The following PYROXD2 variants were observed in gnomAD, a reference collection of about 807,000 sequenced individuals.
The protein encoded by PYROXD2 is pyridine nucleotide-disulphide oxidoreductase domain 2, also known as pyridine nucleotide-disulfide oxidoreductase domain-containing protein 2.
In PYROXD2, 69 loss-of-function variants were observed where a neutral mutation model predicts 71.1. The ratio of observed to expected loss-of-function variants is 0.97; its 90% CI spans 0.80 to 1.19. The LOEUF (loss-of-function observed/expected upper bound fraction) is 1.19. Ranked by LOEUF, PYROXD2 falls within the 50% of genes most tolerant of loss-of-function variation. The pLI, the probability that PYROXD2 is intolerant of heterozygous loss-of-function variation, is 0.00. For synonymous variants in PYROXD2, 287 were observed against 302.7 expected (o/e 0.95, Z 0.54); for missense variants, 745 against 748.9 (o/e 0.99, Z 0.06).
intron 1 of PYROXD2, among the ~76,000 whole-genome samples, chr10:98,412,861 T>C (rs1843834978): frequency 6.6e-6 from 1 of 152,196 alleles, no homozygotes; most frequent in Admixed American, 6.5e-5. Context: ...GGGTGAGCTG[T>C]GGCTGAGCAC....
In PYROXD2 at chr10:98,394,543, A is replaced by AACAC. The variant is rs58461142; in HGVS notation, c.785+649_785+652dup. On this transcript the variant is annotated intron_variant, in intron 8 of 15. Transcript: ENST00000370575. ...AACCCTTGGCTGCATTCTCCATCCCAACACACACACACACACACACACACA... is the reference window on the plus strand; with the variant it reads ...AACCCTTGGCTGCATTCTCCATCCCAACACACACACACACACACACACACACACA... 4.3e-3 allele frequency among the ~76,000 whole-genome samples: 612 copies of AACAC among 141,902 alleles called. 1 individual carries two copies. The highest frequency in any genetic ancestry group is 7.5e-3 in the African/African-American group (283 of 37,930). 93.1% of individuals were successfully genotyped at this position (141,902 alleles called of 152,430 possible). A position where few individuals can be genotyped will look rare whatever the true frequency, so the allele number is the denominator to read the frequency against.
At chr10:98,386,132 C>T (rs1842741266) in intron 14 of PYROXD2, among the ~76,000 whole-genome samples, 1 of 151,312 alleles carries the variant, frequency 6.6e-6, no homozygotes, top group Admixed American at 6.6e-5. Context: ...AAAAAATTAG[C>T]CAGGTGTGGT....
intron 8 of PYROXD2, among the ~76,000 whole-genome samples, chr10:98,394,113 G>T (rs775334676): frequency 1.8e-4 from 27 of 152,102 alleles, no homozygotes; most frequent in Non-Finnish European, 3.2e-4. Context: ...ATCATCACTC[G>T]CTCTGTGTCT....
Position 98,384,946 on chromosome 10 carries a change from C to T in PYROXD2, c.1675+1G>A, listed in dbSNP as rs774961535. 4 of 1,610,158 alleles carry T rather than the reference C, an allele frequency of 2.5e-6. No homozygotes were observed. In the East Asian group the frequency reaches 8.9e-5, roughly 36 times the overall value. On this transcript the variant is annotated splice_donor_variant, in intron 15 of 15. Coordinates refer to ENST00000370575, the MANE Select transcript of PYROXD2 (RefSeq NM_032709.3). LOFTEE classifies it high-confidence loss of function. ...GGGTAGTGGGACTCCAGGTCACTCACCAGGATGAGCCCCACTTCCACAGAG... is the reference window on the plus strand; with the variant it reads ...GGGTAGTGGGACTCCAGGTCACTCATCAGGATGAGCCCCACTTCCACAGAG...
intron 15 of PYROXD2, 71 bp downstream of exon 15, chr10:98,384,876 C>G: frequency 6.7e-7 from 1 of 1,498,468 alleles, no homozygotes; most frequent in Non-Finnish European, 8.9e-7. Context: ...TAACTTCCTC[C>G]TTCTCCAAGT....
intron 2 of PYROXD2, among the ~76,000 whole-genome samples, chr10:98,409,270 A>G (rs144073670): frequency 7.3e-4 from 110 of 150,246 alleles, no homozygotes; most frequent in African/African-American, 2.4e-3. Flanking sequence ...CTACTTCTTT[A>G]TCAATTACTG....
At chr10:98,412,356 G>A (rs939481348) in intron 1 of PYROXD2, among the ~76,000 whole-genome samples, 1 of 152,114 alleles carries the variant, frequency 6.6e-6, no homozygotes, top group Non-Finnish European at 1.5e-5. Flanking sequence ...TCAGCTGCGG[G>A]CTCTGCTAAT....
At chr10:98,399,165 A>T (rs7097625) in intron 5 of PYROXD2, among the ~76,000 whole-genome samples, 56,350 of 151,688 alleles carry the variant, frequency 0.37, 10,909 homozygotes, top group African/African-American at 0.46. Context: ...TAAAATAACA[A>T]AATAAAAGGC....
chr10:98,405,729 C>T (rs916987467), intron 4 of PYROXD2, among the ~76,000 whole-genome samples: 10 of 152,166 alleles, frequency 6.6e-5, no homozygotes, highest in Non-Finnish European at 7.3e-5. Flanking sequence ...CCACGTTCAC[C>T]GCAAAGTACC....
At chr10:98,384,111 G>A (rs1292949861) in intron 15 of PYROXD2, among the ~76,000 whole-genome samples, 4 of 151,970 alleles carry the variant, frequency 2.6e-5, no homozygotes, top group Non-Finnish European at 4.4e-5. Context: ...GGCTGAGGGT[G>A]GACGTGCTGG....
At chr10:98,408,152 G>GA (rs1564810897) in intron 2 of PYROXD2, among the ~76,000 whole-genome samples, 155 bp from the exon 3 acceptor site, 1 of 152,132 alleles carries the variant, frequency 6.6e-6, no homozygotes, top group Non-Finnish European at 1.5e-5. Context: ...CTGCCTCTGG[G>GA]AATGCCCTTC....
intron 1 of PYROXD2, chr10:98,411,649 C>T (rs1309368128): frequency 1.3e-5 from 2 of 152,194 alleles, no homozygotes; most frequent in African/African-American, 2.4e-5. Flanking sequence ...TGGCATCTCA[C>T]GTTCCACACC....
chr10:98,406,733 A>C lies in PYROXD2; in HGVS notation c.315+849T>G, dbSNP rs569497691. 2.0e-5 allele frequency among the ~76,000 whole-genome samples: 3 copies of C among 152,076 alleles called. No homozygotes were observed. In the South Asian group the frequency reaches 6.3e-4, roughly 32 times the overall value. On this transcript the variant is annotated intron_variant, in intron 4 of 15. Coordinates refer to ENST00000370575, the MANE Select transcript of PYROXD2 (RefSeq NM_032709.3). ...ACGGTGAAAGCCCTTCTCTACTAAAAACACAAAAAATTTGCCTGGCGTGGT... is the reference window on the plus strand; with the variant it reads ...ACGGTGAAAGCCCTTCTCTACTAAACACACAAAAAATTTGCCTGGCGTGGT...
At chr10:98,406,300 T>C (rs1208489231) in intron 4 of PYROXD2, among the ~76,000 whole-genome samples, 1 of 152,268 alleles carries the variant, frequency 6.6e-6, no homozygotes, top group Non-Finnish European at 1.5e-5. Flanking sequence ...ATGTCCATTC[T>C]GTGATTCTTA....
chr10:98,407,583 T>C lies in PYROXD2; in HGVS notation c.314A>G (p.Lys105Arg), dbSNP rs762502858. ...RPQIYTDLEL[K>R]KHGLRLHLRN... ...ATCGGGCCGGCGGGGGGGCCCTACC[T>C]TCAGCTCCAGATCAGTGTAAATCTG... The change falls in exon 4 of 16, where the codon AAG becomes AGG. Residue 105 changes from lysine to arginine, a missense_variant and splice_region_variant. Coordinates refer to ENST00000370575, the MANE Select transcript of PYROXD2 (RefSeq NM_032709.3). 3.7e-6 allele frequency: 6 copies of C among 1,613,706 alleles called. No individual in the cohort carries two copies. The highest frequency in any genetic ancestry group is 5.1e-6 in the Non-Finnish European group (6 of 1,179,970).
chr10:98,393,938 T>C (rs1843046553), intron 8 of PYROXD2, among the ~76,000 whole-genome samples: 1 of 152,162 alleles, frequency 6.6e-6, no homozygotes, highest in Non-Finnish European at 1.5e-5. Flanking sequence ...TCCCCTGCTG[T>C]TCTGTCGGCC....
At chr10:98,408,424 C>T (rs1303895254) in intron 2 of PYROXD2, among the ~76,000 whole-genome samples, 2 of 152,228 alleles carry the variant, frequency 1.3e-5, no homozygotes, top group South Asian at 2.1e-4. Flanking sequence ...TTCAGTCCCT[C>T]GTTCTCTCTC....
intron 5 of PYROXD2, among the ~76,000 whole-genome samples, chr10:98,398,973 C>CA (rs1386077060): frequency 1.3e-5 from 2 of 151,886 alleles, no homozygotes; most frequent in African/African-American, 2.4e-5. Flanking sequence ...TTTGTCTCTA[C>CA]AAAAAAATTA....
intron 1 of PYROXD2, among the ~76,000 whole-genome samples, chr10:98,412,457 A>G (rs949958969): frequency 6.6e-6 from 1 of 152,146 alleles, no homozygotes; most frequent in Non-Finnish European, 1.5e-5. Context: ...TGCATCAGGC[A>G]GTGTTGGTTG....
Sources: allele counts gnomAD v4.1 joint callset (sites outside exome capture counted in the v4.1 genomes callset), GRCh38; gene constraint gnomAD v4.1.1; transcripts MANE v1.5; gene names NCBI Gene and HGNC (gene_info 2026-07-23, HGNC 2026-07-21).